ANKRD17: variants seen among roughly 807,000 people sequenced by gnomAD.
ANKRD17 encodes the protein ankyrin repeat domain-containing protein 17.
A neutral mutation model predicts 229.7 loss-of-function variants in ANKRD17; 19 were observed. The ratio of observed to expected loss-of-function variants is 0.08; its 90% CI spans 0.06 to 0.12. The LOEUF (loss-of-function observed/expected upper bound fraction) is 0.12, where lower values mean the gene tolerates loss of function less well. ANKRD17 is among the 10% of genes least tolerant of loss of function. The probability of loss-of-function intolerance (pLI) is 1.00; values close to 1 mark genes in which losing one functional copy is unlikely to be tolerated. For synonymous variants in ANKRD17, 1,112 were observed against 1,146.1 expected (o/e 0.97, Z 0.60); for missense variants, 2,176 against 3,176.8 (o/e 0.68, Z 7.57).
chr4:73,225,861 C>CAAAAAAAAAAAAAAAAAAA (rs375866026), intron 1 of ANKRD17, among the ~76,000 whole-genome samples: 6 of 66,696 alleles, frequency 9.0e-5, no homozygotes, highest in Non-Finnish European at 1.6e-4. Context: ...GACTCTGTCT[C>CAAAAAAAAAAAAAAAAAAA]AAAAAAAAAA....
intron 16 of ANKRD17, among the ~76,000 whole-genome samples, chr4:73,131,761 A>G (rs1728232261): frequency 6.6e-6 from 1 of 152,204 alleles, no homozygotes; most frequent in African/African-American, 2.4e-5. Flanking sequence ...GGAAAATGTA[A>G]TAATAATAGT....
At chr4:73,089,030 G>GT (rs1722497802) in intron 29 of ANKRD17, among the ~76,000 whole-genome samples, 2 of 151,182 alleles carry the variant, frequency 1.3e-5, no homozygotes, top group Non-Finnish European at 2.9e-5. Context: ...TGTGTTGCAT[G>GT]TTTATTCTTT....
intron 18 of ANKRD17, among the ~76,000 whole-genome samples, chr4:73,123,842 A>C (rs1247370727): frequency 1.3e-5 from 2 of 151,978 alleles, no homozygotes; most frequent in African/African-American, 4.8e-5. Context: ...CTCAAATGGG[A>C]GGTAACAGTT....
chr4:73,203,854 A>C (rs1314899598), intron 1 of ANKRD17, among the ~76,000 whole-genome samples: 1 of 152,064 alleles, frequency 6.6e-6, no homozygotes, highest in African/African-American at 2.4e-5. Context: ...TACGTTCCAC[A>C]GTCTTCAAGA....
chr4:73,170,308 C>T (rs115066947), intron 2 of ANKRD17, among the ~76,000 whole-genome samples: 302 of 152,146 alleles, frequency 2.0e-3, no homozygotes, highest in African/African-American at 6.9e-3. Context: ...GACAATCTTT[C>T]TACACACACC....
intron 24 of ANKRD17, chr4:73,112,820 C>T (rs1725480944): frequency 1.8e-6 from 1 of 544,838 alleles, no homozygotes; most frequent in Non-Finnish European, 2.3e-6. Flanking sequence ...CGGAGTCTCA[C>T]TCTGTTGCCC....
At chr4:73,187,001 T>C (rs552279149) in intron 1 of ANKRD17, among the ~76,000 whole-genome samples, 2 of 152,216 alleles carry the variant, frequency 1.3e-5, no homozygotes, top group African/African-American at 4.8e-5. Flanking sequence ...ACAAAACCTG[T>C]AGTCATAAGC....
chr4:73,138,794 T>C (rs1338172930), intron 15 of ANKRD17, among the ~76,000 whole-genome samples: 1 of 152,080 alleles, frequency 6.6e-6, no homozygotes, highest in Admixed American at 6.6e-5. Flanking sequence ...AAAAAATAAG[T>C]ACCAAAAACT....
rs36126530 is a variant in ANKRD17, at chr4:73,208,188, C to CAAA, written c.394-30658_394-30656dup. Among the ~76,000 whole-genome samples, 210 of 67,194 alleles carry CAAA rather than the reference C, an allele frequency of 3.1e-3. 3 individuals carry two copies. Among genetic ancestry groups the CAAA allele is most frequent in the Middle Eastern group, 0.012 (1 of 86 alleles). 44.1% of individuals were successfully genotyped at this position (67,194 alleles called of 152,430 possible). A position where few individuals can be genotyped will look rare whatever the true frequency, so the allele number is the denominator to read the frequency against. ...TGGGCGACACAGCGAGACTCCGTCT[C>CAAA]AAAAAAAAAAAAAAAAAAAAAAAAC... On this transcript the variant is annotated intron_variant, in intron 1 of 33. Coordinates refer to ENST00000358602, the MANE Select transcript of ANKRD17 (RefSeq NM_032217.5).
chr4:73,247,908 G>A (rs1315069635), intron 1 of ANKRD17, among the ~76,000 whole-genome samples: 4 of 144,540 alleles, frequency 2.8e-5, no homozygotes, highest in Admixed American at 6.7e-5. Context: ...AGAATAATAG[G>A]TGATTTTTCT....
intron 1 of ANKRD17, among the ~76,000 whole-genome samples, chr4:73,200,292 T>C (rs1319269140): frequency 6.6e-6 from 1 of 152,152 alleles, no homozygotes; most frequent in African/African-American, 2.4e-5. Flanking sequence ...AGCTGCACAC[T>C]AGAATTATCA....
intron 1 of ANKRD17, among the ~76,000 whole-genome samples, chr4:73,221,285 T>C (rs1265031395): frequency 6.6e-6 from 1 of 151,932 alleles, no homozygotes; most frequent in Non-Finnish European, 1.5e-5. Flanking sequence ...ATTGAATAAA[T>C]AAGGTAACAT....
At chr4:73,198,168 G>C (rs964122411) in intron 1 of ANKRD17, among the ~76,000 whole-genome samples, 1 of 152,106 alleles carries the variant, frequency 6.6e-6, no homozygotes, top group African/African-American at 2.4e-5. Flanking sequence ...CCTGCTAATT[G>C]TCTGCAAGTA....
Position 73,177,604 on chromosome 4 carries a change from A to G in ANKRD17, c.394-71T>C, listed in dbSNP as rs550806153. 4.0e-6 allele frequency: 5 copies of G among 1,247,190 alleles called. No individual in the cohort carries two copies. The African/African-American group carries it at 7.5e-5, about 19-fold the overall frequency. 77.3% of individuals were successfully genotyped at this position (1,247,190 alleles called of 1,614,324 possible). A position where few individuals can be genotyped will look rare whatever the true frequency, so the allele number is the denominator to read the frequency against. On this transcript the variant is annotated intron_variant, in intron 1 of 33. Transcript: ENST00000358602. ...CGAAAGGAAAAGAGGGGAGAGAAAT[A>G]AAAAGAAAGCAGGGGAGGGAAAAAA...
At position 73,075,391 on chromosome 4, in the gene ANKRD17, A is replaced by ATTACAG. The variant is rs1327613768; in HGVS notation, c.*834_*839dup. 2 of 152,248 alleles carry ATTACAG rather than the reference A, an allele frequency of 1.3e-5. No individual in the cohort carries two copies. Among genetic ancestry groups the ATTACAG allele is most frequent in the Non-Finnish European group, 2.9e-5 (2 of 67,988 alleles). The allele number at this position is 152,248 out of a possible 1,614,324, so 9.4% of individuals were successfully genotyped here. ...AAGATGGTCCATCTCTGTAGCAGCC[A>ATTACAG]TTACAGTGAAAATCTTGACAGAACC... On this transcript the variant is annotated 3_prime_UTR_variant, in exon 34 of 34. Coordinates refer to ENST00000358602, the MANE Select transcript of ANKRD17 (RefSeq NM_032217.5).
chr4:73,103,505 A>ATT (rs1271374885), intron 24 of ANKRD17, among the ~76,000 whole-genome samples: 1 of 152,196 alleles, frequency 6.6e-6, no homozygotes, highest in Admixed American at 6.5e-5. Context: ...TTAATAAACT[A>ATT]TTTTAACTGT....
intron 1 of ANKRD17, among the ~76,000 whole-genome samples, chr4:73,232,743 A>G (rs1429154908): frequency 1.3e-5 from 2 of 151,884 alleles, no homozygotes; most frequent in Non-Finnish European, 2.9e-5. Flanking sequence ...TTATTTTTTG[A>G]GACAGAGCCT....
intron 14 of ANKRD17, among the ~76,000 whole-genome samples, chr4:73,140,974 T>C (rs1293267826): frequency 6.6e-6 from 1 of 152,204 alleles, no homozygotes; most frequent in Non-Finnish European, 1.5e-5. Flanking sequence ...CAGACAGATC[T>C]GGCTATAGGT....
chr4:73,233,009 C>T (rs1186544862), intron 1 of ANKRD17, among the ~76,000 whole-genome samples: 1 of 152,186 alleles, frequency 6.6e-6, no homozygotes, highest in Non-Finnish European at 1.5e-5. Flanking sequence ...AAGCATGAGC[C>T]TCTGTGCCCA....
Sources: gnomAD v4.1 joint callset for allele counts (sites outside exome capture counted in the v4.1 genomes callset) on GRCh38, gnomAD v4.1.1 for gene constraint, MANE v1.5 for transcripts, NCBI Gene and HGNC (gene_info 2026-07-23, HGNC 2026-07-21) for gene names.